DOCK9: variants seen among roughly 807,000 people sequenced by gnomAD.
DOCK9 encodes dedicator of cytokinesis 9.
In DOCK9, 89 loss-of-function variants were observed where a neutral mutation model predicts 263.3. The observed-to-expected ratio is 0.34, with a 90% CI of 0.28 to 0.40. The LOEUF is 0.40. Among genes scored for constraint, DOCK9 ranks in the 10% least tolerant of loss-of-function variants. The pLI, the probability that DOCK9 is intolerant of heterozygous loss-of-function variation, is 1.00. For missense variants in DOCK9, 2,140 were observed against 2,603.4 expected (o/e 0.82, Z 3.87); for synonymous variants, 976 against 973.1 (o/e 1.00, Z -0.06).
At chr13:99,050,049 A>T (rs2040614027) in intron 1 of DOCK9, among the ~76,000 whole-genome samples, 1 of 152,240 alleles carries the variant, frequency 6.6e-6, no homozygotes, top group South Asian at 2.1e-4. Flanking sequence ...CTATGGAGCT[A>T]TCAAAGTTTA....
chr13:98,991,084 T>G (rs986586017), intron 1 of DOCK9, among the ~76,000 whole-genome samples: 1 of 151,762 alleles, frequency 6.6e-6, no homozygotes, highest in African/African-American at 2.4e-5. Context: ...ATTTCTTTTT[T>G]TTTTTGAGAT....
In DOCK9 at chr13:98,926,845, T is replaced by C. The variant is rs528798469; in HGVS notation, c.334-926A>G. On this transcript the variant is annotated intron_variant, in intron 3 of 52. Coordinates refer to ENST00000682017, the MANE Select transcript of DOCK9 (RefSeq NM_001366683.2). ...GGTCGATAAATGTATTTATGCCTTA[T>C]CTAGTTTATTTGGCTCTGGCTGTAA... is the stretch of plus-strand genomic sequence containing the variant. Among the ~76,000 whole-genome samples, 13 of 152,388 alleles carry C rather than the reference T, an allele frequency of 8.5e-5. No individual in the cohort carries two copies. In the East Asian group the frequency reaches 2.5e-3, roughly 29 times the overall value.
chr13:98,936,515 G>A (rs1225448546), intron 2 of DOCK9, among the ~76,000 whole-genome samples: 6 of 151,788 alleles, frequency 4.0e-5, no homozygotes, highest in African/African-American at 1.5e-4. Context: ...AGCTACTCAG[G>A]AGGCTGAAAT....
chr13:98,803,985 C>G (rs1200534103), intron 49 of DOCK9, among the ~76,000 whole-genome samples: 3 of 150,642 alleles, frequency 2.0e-5, no homozygotes, highest in East Asian at 3.9e-4. Flanking sequence ...ATAAACCCCA[C>G]GCCATCCAGT....
At chr13:98,902,918 C>T (rs1266515441) in intron 11 of DOCK9, 54 bp downstream of exon 11, 2 of 1,424,518 alleles carry the variant, frequency 1.4e-6, no homozygotes, top group African/African-American at 3.1e-5. Flanking sequence ...AAAGGTACAT[C>T]TGAAACCTCT....
At chr13:98,954,932 A>G (rs552616266) in intron 2 of DOCK9, among the ~76,000 whole-genome samples, 1 of 152,186 alleles carries the variant, frequency 6.6e-6, no homozygotes, top group South Asian at 2.1e-4. Context: ...TGCAAAAATA[A>G]TACCATTAAA....
intron 3 of DOCK9, among the ~76,000 whole-genome samples, chr13:98,926,823 C>T (rs140362007): frequency 6.6e-6 from 1 of 152,328 alleles, no homozygotes; most frequent in African/African-American, 2.4e-5. Context: ...AAACATAGGT[C>T]GATAAATGTA....
At chr13:98,864,642 T>G (rs1366540806) in intron 30 of DOCK9, among the ~76,000 whole-genome samples, 1 of 152,210 alleles carries the variant, frequency 6.6e-6, no homozygotes, top group Non-Finnish European at 1.5e-5. Context: ...AAACTACTTA[T>G]GGTTTAACTG....
intron 32 of DOCK9, among the ~76,000 whole-genome samples, chr13:98,861,683 T>C (rs894837932): frequency 2.6e-5 from 4 of 152,180 alleles, no homozygotes; most frequent in Admixed American, 2.0e-4. Flanking sequence ...GAATCCTTTT[T>C]AAAAAACAAT....
rs1595841086 is a variant in DOCK9, at chr13:98,989,339, TG to T, written c.130-33789del. Among the ~76,000 whole-genome samples the T allele has an allele frequency of 1.1e-4, 14 of 129,632 alleles. No individual in the cohort carries two copies. The South Asian group carries it at 3.5e-3, about 33-fold the overall frequency. The allele number at this position is 129,632 out of a possible 152,430, so 85.0% of individuals were successfully genotyped here. A position where few individuals can be genotyped will look rare whatever the true frequency, so the allele number is the denominator to read the frequency against. On this transcript the variant is annotated intron_variant, in intron 1 of 32. Coordinates refer to the DOCK9 transcript ENST00000427887. ...ATAATGATGATGATGATGATGATGA[TG>T]ATGATGATAATAATAATAATAATAA... is the stretch of plus-strand genomic sequence containing the variant.
intron 1 of DOCK9, among the ~76,000 whole-genome samples, chr13:98,987,480 T>C (rs559044236): frequency 4.8e-4 from 73 of 152,356 alleles, no homozygotes; most frequent in Non-Finnish European, 9.6e-4. Flanking sequence ...TCTTAAGCCC[T>C]TCTGTCGTTT....
intron 9 of DOCK9, 121 bp downstream of exon 9, chr13:98,914,207 G>A (rs2050519716): frequency 8.4e-6 from 7 of 837,638 alleles, no homozygotes; most frequent in Non-Finnish European, 3.7e-6. Flanking sequence ...GTCAGAAAAA[G>A]AGAGAGGTAA....
chr13:98,961,532 T>C (rs1346082477), intron 1 of DOCK9, among the ~76,000 whole-genome samples: 1 of 152,164 alleles, frequency 6.6e-6, no homozygotes, highest in Non-Finnish European at 1.5e-5. Flanking sequence ...CGCATGTAAC[T>C]GGGGGGCCAC....
At chr13:99,062,423 T>A (rs998079334) in intron 1 of DOCK9, among the ~76,000 whole-genome samples, 1 of 152,212 alleles carries the variant, frequency 6.6e-6, no homozygotes, top group Non-Finnish European at 1.5e-5. Flanking sequence ...TAATTTGTCA[T>A]GTGTTATAGA....
chr13:98,902,921 A>C (rs1247687848), intron 11 of DOCK9, 51 bp downstream of exon 11: 15 of 1,417,892 alleles, frequency 1.1e-5, no homozygotes, highest in Non-Finnish European at 1.2e-5. Flanking sequence ...GGTACATCTG[A>C]AACCTCTGCC....
At chr13:99,022,967 G>A (rs551566351) in intron 1 of DOCK9, among the ~76,000 whole-genome samples, 54 of 152,226 alleles carry the variant, frequency 3.5e-4, no homozygotes, top group Middle Eastern at 3.4e-3. Flanking sequence ...AATCCATCAG[G>A]TCTTCAAAAG....
intron 1 of DOCK9, among the ~76,000 whole-genome samples, chr13:99,074,274 C>A (rs1052621032): frequency 5.4e-4 from 82 of 152,366 alleles, no homozygotes; most frequent in African/African-American, 1.9e-3. Context: ...TCAACTATTT[C>A]TTGTAATGTC....
At chr13:98,983,061 A>G (rs1877581006), upstream of DOCK9, among the ~76,000 whole-genome samples, 1 of 152,222 alleles carries the variant, frequency 6.6e-6, no homozygotes, top group South Asian at 2.1e-4. Flanking sequence ...AACAGAAGTT[A>G]TTTACTGTCT....
intron 39 of DOCK9, among the ~76,000 whole-genome samples, chr13:98,836,534 C>T (rs1461527242): frequency 2.6e-5 from 4 of 152,060 alleles, no homozygotes; most frequent in South Asian, 2.1e-4. Flanking sequence ...GCTGCTGGCC[C>T]GGATACCACA....
Sources: allele counts gnomAD v4.1 joint callset (sites outside exome capture counted in the v4.1 genomes callset), GRCh38; gene constraint gnomAD v4.1.1; transcripts MANE v1.5; gene names NCBI Gene and HGNC (gene_info 2026-07-23, HGNC 2026-07-21).